Variants in KIF13A observed in about 807,000 individuals in gnomAD.
KIF13A encodes kinesin-like protein KIF13A.
A neutral mutation model predicts 212.2 loss-of-function variants in KIF13A; 79 were observed. That is an observed-to-expected ratio of 0.37 (90% CI 0.31 to 0.45). KIF13A has a LOEUF of 0.45. Among genes scored for constraint, KIF13A ranks in the 20% least tolerant of loss-of-function variants. The pLI, the probability that KIF13A is intolerant of heterozygous loss-of-function variation, is 1.00. For synonymous variants in KIF13A, 789 were observed against 808.6 expected (o/e 0.98, Z 0.41); for missense variants, 1,901 against 2,209.0 (o/e 0.86, Z 2.79).
Position 17,794,289 on chromosome 6 carries a change from G to C in KIF13A, c.3182C>G (p.Ala1061Gly). 6.2e-7 allele frequency: 1 copy of C among 1,613,400 alleles called. No individual in the cohort carries two copies. The highest frequency in any genetic ancestry group is 8.5e-7 in the Non-Finnish European group (1 of 1,179,446). Residue 1061 changes from alanine to glycine, a missense_variant, in exon 25 of 39, where the codon GCC becomes GGC. Physicochemically the swap from Ala to Gly is moderately conservative, Grantham distance 60. Transcript: ENST00000259711. This position sits in a 1 kb window ranked among gnomAD's most constrained non-coding sequence, Gnocchi z 4.1. Reference sequence around the variant, plus strand: ...CCCTCTTTGGAGTTTGGTGGACCTGGCAGTTACACAGCCGATGGATACTGA... The same window carrying C: ...CCCTCTTTGGAGTTTGGTGGACCTGCCAGTTACACAGCCGATGGATACTGA... ...ILSVSIGCVTARSTKLQRGLD... is the reference protein window; with the variant it reads ...ILSVSIGCVTGRSTKLQRGLD...
chr6:17,922,160 C>T (rs1441945500), intron 2 of KIF13A, among the ~76,000 whole-genome samples: 2 of 152,158 alleles, frequency 1.3e-5, no homozygotes, highest in Admixed American at 6.6e-5. Context: ...TAACTCCAGA[C>T]CCAGGAGACT....
At chr6:17,903,436 T>C (rs1773223262) in intron 2 of KIF13A, among the ~76,000 whole-genome samples, 1 of 152,156 alleles carries the variant, frequency 6.6e-6, no homozygotes, top group Non-Finnish European at 1.5e-5. Flanking sequence ...ATCTAGCAGC[T>C]CAATAATCTC....
intron 4 of KIF13A, among the ~76,000 whole-genome samples, chr6:17,860,629 T>C (rs915214374): frequency 1.3e-5 from 2 of 151,900 alleles, no homozygotes; most frequent in East Asian, 1.9e-4. Flanking sequence ...TTCAGAAAAA[T>C]GTATTTTTAA....
rs1561757844 is a variant in KIF13A, at chr6:17,915,960, TAAAATA to T, written c.147-17786_147-17781del. ...TCAAAAAAAAAAATAAAAATAAAAA[TAAAATA>T]AAATAAAATAAATTACAGTTCAAAT... On this transcript the variant is annotated intron_variant, in intron 2 of 38. Transcript: ENST00000259711. This position sits in a 1 kb window ranked among gnomAD's most constrained non-coding sequence, Gnocchi z 4.4. 8.5e-4 allele frequency among the ~76,000 whole-genome samples: 104 copies of T among 122,658 alleles called. No homozygotes were observed. Among genetic ancestry groups the T allele is most frequent in the South Asian group, 4.0e-3 (14 of 3,514 alleles). The allele number at this position is 122,658 out of a possible 152,430, so 80.5% of individuals were successfully genotyped here.
rs1281763387 is a variant in KIF13A, at chr6:17,768,884, T to C, written c.4581+2230A>G. 7.3e-5 allele frequency among the ~76,000 whole-genome samples: 11 copies of C among 150,174 alleles called. No individual in the cohort carries two copies. On this transcript the variant is annotated intron_variant, in intron 38 of 38. Coordinates refer to ENST00000259711, the MANE Select transcript of KIF13A (RefSeq NM_022113.6). This position sits in a 1 kb window ranked among gnomAD's most constrained non-coding sequence, Gnocchi z 5.4. ...CCAAAGGCATATTGTTGCTTCTGTCTTAGTCATGAGACATGAAGTACATCT... is the reference window on the plus strand; with the variant it reads ...CCAAAGGCATATTGTTGCTTCTGTCCTAGTCATGAGACATGAAGTACATCT...
In KIF13A at chr6:17,776,292, G is replaced by A. The variant is rs1293522722; in HGVS notation, c.4170+985C>T. On this transcript the variant is annotated intron_variant, in intron 34 of 38. Coordinates refer to ENST00000259711, the MANE Select transcript of KIF13A (RefSeq NM_022113.6). The surrounding 1 kb of genome is among the most constrained non-coding windows in gnomAD (Gnocchi z 4.6). ...ACTCTCTCATTTTTTCTACTGTCTA[G>A]TATTCTGCTTTATACAGAATTATAG... Among the ~76,000 whole-genome samples the A allele has an allele frequency of 6.6e-6, 1 of 151,988 alleles. No individual in the cohort carries two copies. Among genetic ancestry groups the A allele is most frequent in the Non-Finnish European group, 1.5e-5 (1 of 68,010 alleles).
chr6:17,874,332 T>C (rs898155328), intron 3 of KIF13A, among the ~76,000 whole-genome samples: 9 of 152,032 alleles, frequency 5.9e-5, no homozygotes, highest in Non-Finnish European at 1.0e-4. Flanking sequence ...TAATATACAA[T>C]TCCTCGAAAA....
intron 2 of KIF13A, among the ~76,000 whole-genome samples, chr6:17,958,117 G>A (rs1213078911): frequency 1.3e-5 from 2 of 152,086 alleles, no homozygotes; most frequent in African/African-American, 2.4e-5. Context: ...ATAGACACCC[G>A]CCTTTACAAG....
rs530935223 is a variant in KIF13A, at chr6:17,856,357, A to G, written c.221-235T>C. Among the ~76,000 whole-genome samples, 1 of 152,284 alleles carries G rather than the reference A, an allele frequency of 6.6e-6. No individual in the cohort carries two copies. Among genetic ancestry groups the G allele is most frequent in the African/African-American group, 2.4e-5 (1 of 41,560 alleles). On this transcript the variant is annotated intron_variant, in intron 4 of 38. Transcript: ENST00000259711. The surrounding 1 kb of genome is among the most constrained non-coding windows in gnomAD (Gnocchi z 4.5). Reference sequence around the variant, plus strand: ...CCTCTAAGACACTTCTCTAGATATTAAAGTTTTCTTTCCATTGTGAGTGGG... The same window carrying G: ...CCTCTAAGACACTTCTCTAGATATTGAAGTTTTCTTTCCATTGTGAGTGGG...
chr6:17,839,798 G>A lies in KIF13A; in HGVS notation c.831-2215C>T, dbSNP rs2150383693. Among the ~76,000 whole-genome samples the A allele has an allele frequency of 6.6e-6, 1 of 152,240 alleles. No individual in the cohort carries two copies. Among genetic ancestry groups the A allele is most frequent in the East Asian group, 1.9e-4 (1 of 5,184 alleles). On this transcript the variant is annotated intron_variant, in intron 9 of 38. Transcript: ENST00000259711. This position sits in a 1 kb window ranked among gnomAD's most constrained non-coding sequence, Gnocchi z 4.3. Reference sequence around the variant, plus strand: ...GCATCTACAAGACAGGGAACGCCGAGGATTGATGGCCCTACAGAAACAAGG... The same window carrying A: ...GCATCTACAAGACAGGGAACGCCGAAGATTGATGGCCCTACAGAAACAAGG...
intron 2 of KIF13A, among the ~76,000 whole-genome samples, chr6:17,941,602 GA>G (rs951036735): frequency 1.2e-4 from 19 of 152,040 alleles, no homozygotes; most frequent in African/African-American, 4.3e-4. Context: ...GACGCAGGGA[GA>G]AGACAGTCAT....
chr6:17,935,218 A>G (rs987424184), intron 2 of KIF13A, among the ~76,000 whole-genome samples: 1 of 152,176 alleles, frequency 6.6e-6, no homozygotes, highest in Non-Finnish European at 1.5e-5. Flanking sequence ...AAATGTCACA[A>G]TCAGACTTGG....
intron 4 of KIF13A, among the ~76,000 whole-genome samples, chr6:17,859,638 A>ATATATTTTTTTTTTTTTTTTTTTT (rs1461455926): frequency 1.8e-5 from 2 of 111,860 alleles, no homozygotes; most frequent in African/African-American, 7.0e-5. Flanking sequence ...ATATATATAT[A>ATATATTTTTTTTTTTTTTTTTTTT]TTTTTTTTTT....
intron 2 of KIF13A, among the ~76,000 whole-genome samples, chr6:17,929,399 CG>C: frequency 8.0e-6 from 1 of 124,550 alleles, no homozygotes; most frequent in African/African-American, 2.9e-5. Flanking sequence ...GCAGCACTCT[CG>C]ACTATTTTTT....
rs1465000227 is a variant in KIF13A, at chr6:17,764,203, A to G, written c.5325T>C (p.Asp1775=). 4 of 1,614,050 alleles carry G rather than the reference A, an allele frequency of 2.5e-6. No homozygotes were observed. The highest frequency in any genetic ancestry group is 3.3e-4 in the Middle Eastern group (2 of 6,062). Residue 1775 remains aspartate, a synonymous_variant, in exon 39 of 39, where the codon GAT becomes GAC. Coordinates refer to ENST00000259711, the MANE Select transcript of KIF13A (RefSeq NM_022113.6). The surrounding 1 kb of genome is among the most constrained non-coding windows in gnomAD (Gnocchi z 5.1). ...GCAGCTGGCTGGGGTGGTGGAGCCC[A>G]TCGGAGACAGTCTTGCCGCCTGTTT... is the stretch of plus-strand genomic sequence containing the variant. ...PNKTGGKTVS[D]GLHHPSQLHS...
intron 17 of KIF13A, among the ~76,000 whole-genome samples, chr6:17,810,108 G>T (rs1004975012): frequency 2.0e-5 from 3 of 151,360 alleles, no homozygotes; most frequent in African/African-American, 7.3e-5. Flanking sequence ...AGTCACCCAC[G>T]CTTAGATTTG....
In KIF13A at chr6:17,786,810, A is replaced by G. The variant is rs1348631177; in HGVS notation, c.3361+966T>C. Among the ~76,000 whole-genome samples the G allele has an allele frequency of 6.6e-6, 1 of 152,136 alleles. No individual in the cohort carries two copies. Among genetic ancestry groups the G allele is most frequent in the Admixed American group, 6.5e-5 (1 of 15,270 alleles). The stretch of plus-strand genomic sequence containing the variant: ...ACACACAAGGCGACATCACATGTTG[A>G]GCCAAGGTGTTTTCCTGAGGGAGAC... On this transcript the variant is annotated intron_variant, in intron 27 of 38. Transcript: ENST00000259711. The surrounding 1 kb of genome is among the most constrained non-coding windows in gnomAD (Gnocchi z 5.4).
rs568508550 is a variant in KIF13A, at chr6:17,847,894, C to T, written c.830+1483G>A. ...TGGCGCGATCTCGGCTCACCGCAAC[C>T]TCTGTCTCCCGGGTTCAAGAGATTC... On this transcript the variant is annotated intron_variant, in intron 9 of 38. Coordinates refer to ENST00000259711, the MANE Select transcript of KIF13A (RefSeq NM_022113.6). Among the ~76,000 whole-genome samples the T allele has an allele frequency of 1.4e-4, 22 of 152,272 alleles. No individual in the cohort carries two copies. In the South Asian group the frequency reaches 4.1e-3, roughly 29 times the overall value.
rs902658055 is a variant in KIF13A at position 17,914,854 on chromosome 6, A to G, written c.147-16674T>C. On this transcript the variant is annotated intron_variant, in intron 2 of 38. Transcript: ENST00000259711. The surrounding 1 kb of genome is among the most constrained non-coding windows in gnomAD (Gnocchi z 5.9). The stretch of plus-strand genomic sequence containing the variant: ...GCAATTCTCTTGTCATGTCTTCAAA[A>G]GTATCACACAGTGAGGCTTTCCCAA... 6.6e-6 allele frequency among the ~76,000 whole-genome samples: 1 copy of G among 152,246 alleles called. No homozygotes were observed. Among genetic ancestry groups the G allele is most frequent in the East Asian group, 1.9e-4 (1 of 5,200 alleles).
Sources: gnomAD v4.1 joint callset for allele counts (sites outside exome capture counted in the v4.1 genomes callset) on GRCh38, gnomAD v4.1.1 for gene constraint, Gnocchi (gnomAD v3.1) non-coding constraint, MANE v1.5 for transcripts, NCBI Gene and HGNC (gene_info 2026-07-23, HGNC 2026-07-21) for gene names.